The following VAV3 variants were observed in gnomAD, a reference collection of about 807,000 sequenced individuals.
The protein encoded by VAV3 is guanine nucleotide exchange factor VAV3.
Under a neutral mutation model 131.2 loss-of-function variants are expected in VAV3, and 94 were observed. That is an observed-to-expected ratio of 0.72 (90% CI 0.61 to 0.85). The LOEUF is 0.85. VAV3 is among the 40% of genes least tolerant of loss of function. The pLI is 0.00. For synonymous variants in VAV3, 349 were observed against 342.0 expected (o/e 1.02, Z -0.22); for missense variants, 939 against 1,002.7 (o/e 0.94, Z 0.86).
At chr1:107,919,396 A>C (rs1399836312) in intron 1 of VAV3, among the ~76,000 whole-genome samples, 6 of 152,236 alleles carry the variant, frequency 3.9e-5, no homozygotes, top group Non-Finnish European at 8.8e-5. Flanking sequence ...TGTGGCTGAT[A>C]AGTTCTGATG....
chr1:107,788,200 A>G (rs907313980), intron 2 of VAV3, among the ~76,000 whole-genome samples: 1 of 152,076 alleles, frequency 6.6e-6, no homozygotes. Flanking sequence ...CTTGGCTACC[A>G]TAGAGGTTGT....
intron 15 of VAV3, among the ~76,000 whole-genome samples, chr1:107,741,998 C>T (rs924471485): frequency 1.3e-5 from 2 of 152,152 alleles, no homozygotes; most frequent in African/African-American, 4.8e-5. Flanking sequence ...ATAAAAATGC[C>T]TTAGCAAAAC....
chr1:107,587,549 T>TTATGTATGTATGTTTGTATG (rs1650598437), intron 25 of VAV3, among the ~76,000 whole-genome samples: 1 of 152,140 alleles, frequency 6.6e-6, no homozygotes, highest in Non-Finnish European at 1.5e-5. Flanking sequence ...TTGAGACCAG[T>TTATGTATGTATGTTTGTATG]TATGTATGTA....
intron 1 of VAV3, among the ~76,000 whole-genome samples, chr1:107,889,645 CACATCTGCCTT>C (rs1671221327): frequency 6.6e-6 from 1 of 152,134 alleles, no homozygotes; most frequent in Admixed American, 6.5e-5. Flanking sequence ...AACCCTACAC[CACATCTGCCTT>C]ACAAGAGTAG....
At chr1:107,778,214 G>A (rs1170581507) in intron 3 of VAV3, among the ~76,000 whole-genome samples, 3 of 152,228 alleles carry the variant, frequency 2.0e-5, no homozygotes, top group African/African-American at 7.2e-5. Context: ...TAATACTGAA[G>A]ACATTTGAGG....
At chr1:107,660,793 G>A (rs762930292) in intron 19 of VAV3, among the ~76,000 whole-genome samples, 1 of 152,054 alleles carries the variant, frequency 6.6e-6, no homozygotes, top group Admixed American at 6.6e-5. Context: ...AAAACTTAGA[G>A]TCTAACAGGG....
At chr1:107,853,253 G>C (rs1263979733) in intron 2 of VAV3, among the ~76,000 whole-genome samples, 2 of 152,090 alleles carry the variant, frequency 1.3e-5, no homozygotes, top group Admixed American at 1.3e-4. Context: ...ATGTGGCTAT[G>C]GCAAGTTACC....
intron 25 of VAV3, among the ~76,000 whole-genome samples, chr1:107,593,129 TG>T (rs139372668): frequency 0.023 from 3,527 of 152,206 alleles, 65 homozygotes; most frequent in Non-Finnish European, 0.032. Context: ...CAGCCTACAA[TG>T]GGCCCCTAAC....
intron 20 of VAV3, among the ~76,000 whole-genome samples, chr1:107,618,402 T>C (rs113681891): frequency 6.6e-6 from 1 of 152,074 alleles, no homozygotes; most frequent in African/African-American, 2.4e-5. Context: ...GATGTGAAAA[T>C]AGAAAACAGT....
intron 4 of VAV3, among the ~76,000 whole-genome samples, chr1:107,774,601 AC>A (rs1223264329): frequency 6.6e-6 from 1 of 152,216 alleles, no homozygotes; most frequent in Non-Finnish European, 1.5e-5. Flanking sequence ...TAAATCAAAA[AC>A]AATCGACATG....
chr1:107,700,483 T>C (rs948895365), intron 17 of VAV3, among the ~76,000 whole-genome samples: 3 of 152,170 alleles, frequency 2.0e-5, no homozygotes, highest in Admixed American at 1.3e-4. Context: ...CCCCAGTGTG[T>C]GTTGTTCCCC....
At chr1:107,757,191 G>A in intron 11 of VAV3, 70 bp downstream of exon 11, 2 of 877,654 alleles carry the variant, frequency 2.3e-6, no homozygotes, top group Non-Finnish European at 1.8e-6. Flanking sequence ...GTGTGTGTAT[G>A]CAATTTGAAT....
intron 2 of VAV3, among the ~76,000 whole-genome samples, chr1:107,834,705 TTG>T (rs929516320): frequency 6.7e-6 from 1 of 149,702 alleles, no homozygotes; most frequent in Non-Finnish European, 1.5e-5. Context: ...GAACAGATCT[TTG>T]GAGAGAAAGC....
intron 1 of VAV3, among the ~76,000 whole-genome samples, chr1:107,927,658 GC>G (rs1673228232): frequency 6.6e-6 from 1 of 152,060 alleles, no homozygotes; most frequent in African/African-American, 2.4e-5. Flanking sequence ...CTCCCTGTGG[GC>G]CTGTGATGCT....
intron 4 of VAV3, among the ~76,000 whole-genome samples, chr1:107,774,844 A>G (rs1004522743): frequency 2.0e-5 from 3 of 152,146 alleles, no homozygotes; most frequent in East Asian, 1.9e-4. Context: ...AATTGTAATA[A>G]AGCTGAGAAT....
At chr1:107,692,864 C>T (rs1659512732) in intron 17 of VAV3, among the ~76,000 whole-genome samples, 1 of 152,174 alleles carries the variant, frequency 6.6e-6, no homozygotes, top group Admixed American at 6.5e-5. Context: ...ATACCAAAGT[C>T]GTTTGCTCCA....
At chr1:107,686,034 T>TGGGGGGGGGGGGGGGGG (rs554715740) in intron 18 of VAV3, 11 of 85,076 alleles carry the variant, frequency 1.3e-4, no homozygotes, top group South Asian at 5.9e-4. Flanking sequence ...GTTGGGGGGG[T>TGGGGGGGGGGGGGGGGG]GGGGGGGGAG....
chr1:107,814,258 AT>A (rs1291806919), intron 2 of VAV3, among the ~76,000 whole-genome samples: 1 of 152,112 alleles, frequency 6.6e-6, no homozygotes, highest in Non-Finnish European at 1.5e-5. Flanking sequence ...ACTAATTTAC[AT>A]TACCACCAAC....
At chr1:107,863,881 C>T (rs1669861644) in intron 2 of VAV3, among the ~76,000 whole-genome samples, 1 of 152,170 alleles carries the variant, frequency 6.6e-6, no homozygotes, top group African/African-American at 2.4e-5. Flanking sequence ...ATGCCAAATG[C>T]AGACGTAAAA....
Sources: allele counts gnomAD v4.1 joint callset (sites outside exome capture counted in the v4.1 genomes callset), GRCh38; gene constraint gnomAD v4.1.1; transcripts MANE v1.5; gene names NCBI Gene and HGNC (gene_info 2026-07-23, HGNC 2026-07-21).